SCARA5: variants seen among roughly 807,000 people sequenced by gnomAD.
The protein encoded by SCARA5 is scavenger receptor class A member 5.
In SCARA5, 45 loss-of-function variants were observed where a neutral mutation model predicts 46.3. The observed-to-expected ratio is 0.97, with a 90% confidence interval of 0.76 to 1.24. The LOEUF (loss-of-function observed/expected upper bound fraction) is 1.24, where lower values mean the gene tolerates loss of function less well. Ranked by LOEUF, SCARA5 falls within the 50% of genes most tolerant of loss-of-function variation. SCARA5 has a pLI of 0.00. For missense variants in SCARA5, 680 were observed against 689.0 expected (o/e 0.99, Z 0.15); for synonymous variants, 333 against 306.5 (o/e 1.09, Z -0.90).
intron 4 of SCARA5, among the ~76,000 whole-genome samples, chr8:27,916,302 T>C (rs948634453): frequency 6.6e-6 from 1 of 152,260 alleles, no homozygotes; most frequent in South Asian, 2.1e-4. Context: ...AGTGTATGTG[T>C]ATATGTATGT....
At chr8:27,989,139 T>C (rs973860207) in intron 1 of SCARA5, among the ~76,000 whole-genome samples, 6 of 133,520 alleles carry the variant, frequency 4.5e-5, no homozygotes, top group African/African-American at 1.5e-4. Context: ...CTTTTTTTTT[T>C]TTTTTTTTTT....
At chr8:27,936,989 A>C (rs1467208995) in intron 3 of SCARA5, among the ~76,000 whole-genome samples, 1 of 152,206 alleles carries the variant, frequency 6.6e-6, no homozygotes. Flanking sequence ...ATATTCCCGG[A>C]TTCCCATTTT....
At chr8:27,958,537 C>T (rs1253408715) in intron 3 of SCARA5, among the ~76,000 whole-genome samples, 1 of 152,178 alleles carries the variant, frequency 6.6e-6, no homozygotes, top group Non-Finnish European at 1.5e-5. Context: ...CATGTCCTCT[C>T]GGGAACTGCA....
chr8:27,940,759 T>TGTCC (rs1461265995), intron 3 of SCARA5, among the ~76,000 whole-genome samples: 8 of 29,028 alleles, frequency 2.8e-4, no homozygotes, highest in African/African-American at 3.5e-4. Context: ...CCCAACCATC[T>TGTCC]GTCCATCCAT....
intron 7 of SCARA5, among the ~76,000 whole-genome samples, chr8:27,895,839 C>T (rs77356415): frequency 6.6e-6 from 1 of 152,336 alleles, no homozygotes; most frequent in East Asian, 1.9e-4. Flanking sequence ...TCTCCCCAGC[C>T]GTGCTTCATA....
intron 7 of SCARA5, among the ~76,000 whole-genome samples, chr8:27,890,810 C>T (rs1318625687): frequency 2.6e-5 from 4 of 152,240 alleles, no homozygotes; most frequent in Non-Finnish European, 5.9e-5. Flanking sequence ...ATATCCCCGC[C>T]TTGCTAATTG....
chr8:27,889,990 A>G (rs1325988533), intron 7 of SCARA5, among the ~76,000 whole-genome samples: 7 of 152,206 alleles, frequency 4.6e-5, no homozygotes, highest in Non-Finnish European at 7.3e-5. Flanking sequence ...TTTCAATTGC[A>G]TATTTATTTA....
Position 27,989,129 on chromosome 8 carries a change from C to CTTTTTTTTTTTTTTTTT in SCARA5, c.-15-1516_-15-1500dup, listed in dbSNP as rs34929623. The stretch of plus-strand genomic sequence containing the variant: ...TTTTTTTTTTTCTGTTTCTTTCTTT[C>CTTTTTTTTTTTTTTTTT]TTTTTTTTTTTTTTTTTTTTTTTTG... On this transcript the variant is annotated intron_variant, in intron 1 of 8. Coordinates refer to ENST00000354914, the MANE Select transcript of SCARA5 (RefSeq NM_173833.6). Among the ~76,000 whole-genome samples, 12 of 68,314 alleles carry CTTTTTTTTTTTTTTTTT rather than the reference C, an allele frequency of 1.8e-4. 1 individual carries two copies. Among genetic ancestry groups the CTTTTTTTTTTTTTTTTT allele is most frequent in the African/African-American group, 5.5e-4 (9 of 16,220 alleles). 44.8% of individuals were successfully genotyped at this position (68,314 alleles called of 152,430 possible). A position where few individuals can be genotyped will look rare whatever the true frequency, so the allele number is the denominator to read the frequency against.
chr8:27,988,170 C>A (rs757261212), intron 1 of SCARA5, among the ~76,000 whole-genome samples: 4 of 152,156 alleles, frequency 2.6e-5, no homozygotes, highest in African/African-American at 9.7e-5. Context: ...CCAAATCCAA[C>A]GGGGCTGGCA....
intron 7 of SCARA5, chr8:27,903,289 G>C (rs1343772477): frequency 6.6e-6 from 1 of 152,200 alleles, no homozygotes; most frequent in Non-Finnish European, 1.5e-5. Flanking sequence ...CATCTCAGCT[G>C]ATATGAGCAA....
chr8:27,922,198 T>C lies in SCARA5; in HGVS notation c.289A>G (p.Asn97Asp), dbSNP rs751272418. The C allele has an allele frequency of 6.3e-7, 1 of 1,598,598 alleles. No individual in the cohort carries two copies. The highest frequency in any genetic ancestry group is 8.5e-7 in the Non-Finnish European group (1 of 1,172,376). Reference sequence around the variant, plus strand: ...AAGCTCTCATTCAGCCGGTTCACATTGCGAGTCAGGGCCTTCAGGTCGTCA... The same window carrying C: ...AAGCTCTCATTCAGCCGGTTCACATCGCGAGTCAGGGCCTTCAGGTCGTCA... ...SPDDLKALTR[N>D]VNRLNESFRD... The change falls in exon 4 of 9, where the codon AAT becomes GAT. Residue 97 changes from asparagine (N) to aspartate (D), a missense_variant. Physicochemically the swap from Asn to Asp is conservative, Grantham distance 23. Coordinates refer to ENST00000354914, the MANE Select transcript of SCARA5 (RefSeq NM_173833.6).
chr8:27,899,003 G>C (rs1488866361), intron 7 of SCARA5, among the ~76,000 whole-genome samples: 2 of 152,232 alleles, frequency 1.3e-5, no homozygotes, highest in Non-Finnish European at 2.9e-5. Context: ...CCATCCCTCT[G>C]TTCCCGAGTT....
chr8:27,989,416 C>T (rs1808754852), intron 1 of SCARA5, among the ~76,000 whole-genome samples: 1 of 152,166 alleles, frequency 6.6e-6, no homozygotes, highest in Non-Finnish European at 1.5e-5. Flanking sequence ...GTGTGAGCCA[C>T]TGCACCCAGC....
In SCARA5 at chr8:27,921,658, G is replaced by C. The variant is rs773803823; in HGVS notation, c.829C>G (p.Leu277Val). Residue 277 changes from leucine to valine, a missense_variant, in exon 4 of 9, where the codon CTG (leucine) becomes GTG (valine). Leu to Val is a conservative substitution (Grantham distance 32). Transcript: ENST00000354914. ...TCGGTGACCGCGTTGAGCATGGCCA[G>C]CTCCTGCTTCAGCTGCAGCTCCATG... ...VGMELQLKQE[L>V]AMLNAVTEDL... is the part of the protein sequence containing the mutation. 2 of 1,609,338 alleles carry C rather than the reference G, an allele frequency of 1.2e-6. No homozygotes were observed. Among genetic ancestry groups the C allele is most frequent in the South Asian group, 2.2e-5 (2 of 90,134 alleles).
intron 7 of SCARA5, among the ~76,000 whole-genome samples, chr8:27,887,845 A>G (rs1233941115): frequency 1.3e-5 from 2 of 152,218 alleles, no homozygotes; most frequent in African/African-American, 2.4e-5. Context: ...GCAACTTGGT[A>G]AGAAAGAAAG....
At chr8:27,887,485 G>A (rs1004274068) in intron 7 of SCARA5, among the ~76,000 whole-genome samples, 5 of 152,114 alleles carry the variant, frequency 3.3e-5, no homozygotes, top group East Asian at 1.9e-4. Context: ...GAATGGCACC[G>A]GCACATAGCA....
rs756008254 is a variant in SCARA5 at position 27,966,450 on chromosome 8, C to A, written c.205G>T (p.Val69Phe). The A allele has an allele frequency of 3.7e-6, 6 of 1,613,328 alleles. No homozygotes were observed. The highest frequency in any genetic ancestry group is 3.3e-5 in the South Asian group (3 of 90,980). The change falls in exon 3 of 9, where the codon GTC becomes TTC. Residue 69 changes from valine (V) to phenylalanine (F), a missense_variant. Transcript: ENST00000354914. ...AAGATGCCCACAAGAATCAGGAAGA[C>A]CAGCAGGTAGAGCCCCAGGACAGCA... ...KHAVLGLYLL[V>F]FLILVGIFIL...
chr8:27,970,903 T>C (rs1052823484), intron 2 of SCARA5, among the ~76,000 whole-genome samples: 2 of 152,224 alleles, frequency 1.3e-5, no homozygotes, highest in Non-Finnish European at 2.9e-5. Flanking sequence ...AAAAACCCAC[T>C]ACTTCCTCAG....
chr8:27,937,284 C>T (rs973961729), intron 3 of SCARA5, among the ~76,000 whole-genome samples: 10 of 152,174 alleles, frequency 6.6e-5, no homozygotes, highest in African/African-American at 2.2e-4. Flanking sequence ...GCCCCTAGCA[C>T]GTGTGGGACT....
Sources: gnomAD v4.1 joint callset for allele counts (sites outside exome capture counted in the v4.1 genomes callset) on GRCh38, gnomAD v4.1.1 for gene constraint, MANE v1.5 for transcripts, NCBI Gene and HGNC (gene_info 2026-07-23, HGNC 2026-07-21) for gene names.